The following FAM193A variants were observed in gnomAD, a reference collection of about 807,000 sequenced individuals.
FAM193A encodes family with sequence similarity 193 member A, also known as protein FAM193A.
In FAM193A, 22 loss-of-function variants were observed where a neutral mutation model predicts 126.5. The observed-to-expected ratio is 0.17, with a 90% CI of 0.12 to 0.25. FAM193A has a LOEUF of 0.25. Ranked by LOEUF, FAM193A falls within the 10% of genes least tolerant of loss-of-function variation. The pLI, the probability that FAM193A is intolerant of heterozygous loss-of-function variation, is 1.00. For synonymous variants in FAM193A, 761 were observed against 646.8 expected (o/e 1.18, Z -2.68); for missense variants, 1,675 against 1,672.8 (o/e 1.00, Z -0.02).
intron 7 of FAM193A, among the ~76,000 whole-genome samples, chr4:2,652,566 G>T (rs115748262): frequency 1.2e-4 from 18 of 151,734 alleles, no homozygotes; most frequent in African/African-American, 2.2e-4. Context: ...TAGGAGGAAG[G>T]GGGGTGGGGA....
At chr4:2,716,886 G>T (rs1191891761) in intron 20 of FAM193A, among the ~76,000 whole-genome samples, 1 of 152,104 alleles carries the variant, frequency 6.6e-6, no homozygotes, top group Non-Finnish European at 1.5e-5. Flanking sequence ...GTGGTTACCA[G>T]ACTGGTCTCA....
At chr4:2,665,821 C>A (rs1221080630) in intron 12 of FAM193A, among the ~76,000 whole-genome samples, 1 of 152,112 alleles carries the variant, frequency 6.6e-6, no homozygotes, top group Admixed American at 6.6e-5. Flanking sequence ...GGCACCATAC[C>A]CAGTCTGGAT....
intron 12 of FAM193A, among the ~76,000 whole-genome samples, chr4:2,666,788 C>T (rs969521802): frequency 5.3e-5 from 8 of 152,178 alleles, no homozygotes; most frequent in Non-Finnish European, 1.2e-4. Flanking sequence ...AATGTGTTGG[C>T]ATAAAGTTAT....
chr4:2,732,133 C>T lies in FAM193A; in HGVS notation c.*265C>T, dbSNP rs542110887. ...TTCCCGCCAAGTCCTCCCACCACCG[C>T]GGCCTCGGAGGCCTGGGCCGTGGCC... On this transcript the variant is annotated 3_prime_UTR_variant, in exon 21 of 21. Transcript: ENST00000637812. The T allele has an allele frequency of 6.4e-5, 32 of 496,606 alleles. 1 individual carries two copies. Among genetic ancestry groups the T allele is most frequent in the African/African-American group, 1.9e-4 (10 of 51,556 alleles). The allele number at this position is 496,606 out of a possible 1,614,324, so 30.8% of individuals were successfully genotyped here. A position where few individuals can be genotyped will look rare whatever the true frequency, so the allele number is the denominator to read the frequency against.
intron 6 of FAM193A, among the ~76,000 whole-genome samples, chr4:2,642,732 C>CT (rs1209422669): frequency 0.05 from 6,749 of 135,432 alleles, 564 homozygotes; most frequent in African/African-American, 0.17. Flanking sequence ...AAACTCCCAT[C>CT]TTTTTTTTTT....
In FAM193A at chr4:2,719,006, C is replaced by G. The variant is rs112471371; in HGVS notation, c.4454+2902C>G. Among the ~76,000 whole-genome samples, 31 of 152,160 alleles carry G rather than the reference C, an allele frequency of 2.0e-4. 3 individuals are homozygous for G. Among genetic ancestry groups the G allele is most frequent in the African/African-American group, 7.0e-4 (29 of 41,496 alleles). Reference sequence around the variant, plus strand: ...TTCAGACTTTGAAAGAATGGATTATCCAGTCTTGAGCAAACTCTACCAGTG... The same window carrying G: ...TTCAGACTTTGAAAGAATGGATTATGCAGTCTTGAGCAAACTCTACCAGTG... On this transcript the variant is annotated intron_variant, in intron 20 of 20. Transcript: ENST00000637812.
At chr4:2,676,078 C>A (rs1010868001) in intron 13 of FAM193A, among the ~76,000 whole-genome samples, 4 of 152,214 alleles carry the variant, frequency 2.6e-5, no homozygotes, top group Non-Finnish European at 5.9e-5. Flanking sequence ...AACAGTGCTG[C>A]TGTAAACATG....
intron 5 of FAM193A, among the ~76,000 whole-genome samples, chr4:2,635,675 G>A (rs1188282025): frequency 6.6e-6 from 1 of 152,166 alleles, no homozygotes; most frequent in Non-Finnish European, 1.5e-5. Flanking sequence ...TGGGATTACA[G>A]GTGCCTGCCA....
At chr4:2,554,984 A>T (rs1738168418) in intron 1 of FAM193A, among the ~76,000 whole-genome samples, 1 of 152,198 alleles carries the variant, frequency 6.6e-6, no homozygotes, top group African/African-American at 2.4e-5. Context: ...TCCTGTAGAT[A>T]GCTGCCTGAT....
intron 1 of FAM193A, among the ~76,000 whole-genome samples, chr4:2,579,693 T>C (rs556624019): frequency 1.3e-5 from 2 of 151,016 alleles, no homozygotes; most frequent in Admixed American, 6.6e-5. Context: ...AGTGAGGCCC[T>C]GTCTCAAAAA....
chr4:2,588,428 G>A lies in FAM193A; in HGVS notation c.256-7656G>A, dbSNP rs116909328. On this transcript the variant is annotated intron_variant, in intron 1 of 20. Coordinates refer to ENST00000637812, the MANE Select transcript of FAM193A (RefSeq NM_001366318.2). The stretch of plus-strand genomic sequence containing the variant: ...TTCTATAAAAAAGCAAGTATTGCCT[G>A]TGGGCCCCACTGTTTTAGGTCACTG... Among the ~76,000 whole-genome samples the A allele has an allele frequency of 2.0e-5, 3 of 152,294 alleles. No individual in the cohort carries two copies. In the East Asian group the frequency reaches 5.8e-4, roughly 29 times the overall value.
chr4:2,649,545 A>G (rs938929080), intron 7 of FAM193A, among the ~76,000 whole-genome samples: 3 of 151,948 alleles, frequency 2.0e-5, no homozygotes, highest in Admixed American at 6.6e-5. Context: ...GGTAGTGTGC[A>G]CTTGTGGTTT....
Position 2,634,075 on chromosome 4 carries a change from G to T in FAM193A, c.1038+2906G>T, listed in dbSNP as rs577036182. Among the ~76,000 whole-genome samples the T allele has an allele frequency of 1.1e-4, 16 of 152,288 alleles. No individual in the cohort carries two copies. The South Asian group carries it at 1.7e-3, about 16-fold the overall frequency. Reference sequence around the variant, plus strand: ...AAGAGACAACCTAGCCCAGGATGGGGTCTGCACATAATGCTGGGACTGTAA... The same window carrying T: ...AAGAGACAACCTAGCCCAGGATGGGTTCTGCACATAATGCTGGGACTGTAA... On this transcript the variant is annotated intron_variant, in intron 5 of 20. Coordinates refer to ENST00000637812, the MANE Select transcript of FAM193A (RefSeq NM_001366318.2).
Position 2,590,324 on chromosome 4 carries a change from G to T in FAM193A, c.256-5760G>T, listed in dbSNP as rs182471847. Among the ~76,000 whole-genome samples the T allele has an allele frequency of 9.6e-3, 1,444 of 150,916 alleles. 13 individuals carry two copies. The highest frequency in any genetic ancestry group is 0.013 in the Non-Finnish European group (866 of 67,670). On this transcript the variant is annotated intron_variant, in intron 1 of 20. Coordinates refer to ENST00000637812, the MANE Select transcript of FAM193A (RefSeq NM_001366318.2). Reference sequence around the variant, plus strand: ...GTCTCTACTAACAACGCCTGTCTGGGCGTGGTGGCTCCTGCCTGTAGTCCC... The same window carrying T: ...GTCTCTACTAACAACGCCTGTCTGGTCGTGGTGGCTCCTGCCTGTAGTCCC...
At chr4:2,725,973 A>G (rs1444209823) in intron 20 of FAM193A, among the ~76,000 whole-genome samples, 1 of 152,106 alleles carries the variant, frequency 6.6e-6, no homozygotes, top group African/African-American at 2.4e-5. Flanking sequence ...ATTTCGGCTC[A>G]CTGCAAGCTC....
chr4:2,562,874 C>A (rs143166606), intron 1 of FAM193A, among the ~76,000 whole-genome samples: 1 of 151,504 alleles, frequency 6.6e-6, no homozygotes, highest in African/African-American at 2.4e-5. Flanking sequence ...ATGATCTGCT[C>A]GCCTTGGCCT....
intron 20 of FAM193A, among the ~76,000 whole-genome samples, chr4:2,716,482 G>C (rs566008921): frequency 1.3e-5 from 2 of 152,202 alleles, no homozygotes; most frequent in Admixed American, 1.3e-4. Flanking sequence ...ATTCTGGGAA[G>C]GGGCCGGCAT....
At chr4:2,630,349 G>T (rs896884084) in intron 4 of FAM193A, among the ~76,000 whole-genome samples, 6 of 151,128 alleles carry the variant, frequency 4.0e-5, no homozygotes, top group African/African-American at 1.5e-4. Context: ...AAGATAAACT[G>T]TGTCTAAAGT....
chr4:2,684,982 A>G (rs1378655856), intron 13 of FAM193A, among the ~76,000 whole-genome samples: 1 of 152,184 alleles, frequency 6.6e-6, no homozygotes, highest in Non-Finnish European at 1.5e-5. Context: ...GAAGTTAACG[A>G]CTACAGGGCC....
Sources: gnomAD v4.1 joint callset for allele counts (sites outside exome capture counted in the v4.1 genomes callset) on GRCh38, gnomAD v4.1.1 for gene constraint, MANE v1.5 for transcripts, NCBI Gene and HGNC (gene_info 2026-07-23, HGNC 2026-07-21) for gene names.